The following ZBTB17 variants were observed in gnomAD, a reference collection of about 807,000 sequenced individuals.
ZBTB17 encodes the protein zinc finger and BTB domain containing 17.
In ZBTB17, 24 loss-of-function variants were observed where a neutral mutation model predicts 85.1. The observed-to-expected ratio is 0.28, with a 90% CI of 0.20 to 0.40. ZBTB17 has a LOEUF of 0.40. Ranked by LOEUF, ZBTB17 falls within the 10% of genes least tolerant of loss-of-function variation. The pLI is 1.00. For missense variants in ZBTB17, 743 were observed against 1,105.1 expected (o/e 0.67, Z 4.65); for synonymous variants, 464 against 460.2 (o/e 1.01, Z -0.11).
chr1:15,943,056 C>T lies in ZBTB17; in HGVS notation c.1828+8G>A, dbSNP rs200680687. 1.9e-6 allele frequency: 3 copies of T among 1,614,084 alleles called. No individual in the cohort carries two copies. The highest frequency in any genetic ancestry group is 2.5e-6 in the Non-Finnish European group (3 of 1,179,972). On this transcript the variant is annotated splice_region_variant and intron_variant, in intron 13 of 15. Coordinates refer to ENST00000375743, the MANE Select transcript of ZBTB17 (RefSeq NM_003443.3). ...GAAGGAACAGGCATGGTAGGGGCCA[C>T]AGCTCACCAGTGTGAATGATGATGT...
intron 2 of ZBTB17, among the ~76,000 whole-genome samples, chr1:15,970,689 C>T (rs905125704): frequency 3.3e-5 from 5 of 152,180 alleles, no homozygotes; most frequent in African/African-American, 1.2e-4. Context: ...GCTGGGATTA[C>T]AGGCGCCTGC....
Position 15,974,875 on chromosome 1 carries a change from C to T in ZBTB17, c.-90+1108G>A, listed in dbSNP as rs140151065. Among the ~76,000 whole-genome samples, 666 of 152,338 alleles carry T rather than the reference C, an allele frequency of 4.4e-3. 3 individuals are homozygous for T. The highest frequency in any genetic ancestry group is 0.014 in the African/African-American group (585 of 41,574). On this transcript the variant is annotated intron_variant, in intron 1 of 15. Transcript: ENST00000375743. ...ACAAGCGTGAGACAACGAGCCCGGC[C>T]CAGTCTGCTTCTTTATTTAGCCTGA...
At chr1:15,950,480 A>G (rs764979656) in intron 2 of ZBTB17, among the ~76,000 whole-genome samples, 15 of 152,202 alleles carry the variant, frequency 9.9e-5, no homozygotes, top group Non-Finnish European at 2.1e-4. Flanking sequence ...GTGGGTGGCA[A>G]GCCCTGGGCC....
In ZBTB17 at chr1:15,966,338, T is replaced by C. The variant is rs954722522; in HGVS notation, c.-3+6701A>G. On this transcript the variant is annotated intron_variant, in intron 2 of 15. Transcript: ENST00000375743. The surrounding 1 kb of genome is among the most constrained non-coding windows in gnomAD (Gnocchi z 4.1). ...AGTATAGGAAGTGGTGCGGCTGGGG[T>C]GGGGAGAACAGATTCTACTGCCAGA... 6.6e-6 allele frequency among the ~76,000 whole-genome samples: 1 copy of C among 151,928 alleles called. No homozygotes were observed. Among genetic ancestry groups the C allele is most frequent in the African/African-American group, 2.4e-5 (1 of 41,370 alleles).
chr1:15,942,121 A>G lies in ZBTB17; in HGVS notation c.2260T>C (p.Tyr754His), dbSNP rs2148750291. Residue 754 changes from tyrosine to histidine, a missense_variant, in exon 16 of 16, where the codon TAT (tyrosine) becomes CAT (histidine). Around this residue, in one of 4 missense-constraint regions of ZBTB17, gnomAD observed 69 missense variants for 77.0 expected, o/e 0.90. Transcript: ENST00000375743. ...GTGCCACCTGGCCCATACTGCTGAT[A>G]GAAGTCCGCGTCTGTCTGGAACATG... The part of the protein sequence containing the change: ...LVMFQTDADF[Y>H]QQYGPGGTWP... 1 of 1,613,462 alleles carries G rather than the reference A, an allele frequency of 6.2e-7. No homozygotes were observed. Among genetic ancestry groups the G allele is most frequent in the African/African-American group, 1.3e-5 (1 of 75,066 alleles).
At position 15,966,329 on chromosome 1, in the gene ZBTB17, C is replaced by T. The variant is rs563326346; in HGVS notation, c.-3+6710G>A. Among the ~76,000 whole-genome samples, 4 of 152,222 alleles carry T rather than the reference C, an allele frequency of 2.6e-5. No homozygotes were observed. Among genetic ancestry groups the T allele is most frequent in the South Asian group, 2.1e-4 (1 of 4,820 alleles). Reference sequence around the variant, plus strand: ...ATAAGTTCCAGTATAGGAAGTGGTGCGGCTGGGGTGGGGAGAACAGATTCT... The same window carrying T: ...ATAAGTTCCAGTATAGGAAGTGGTGTGGCTGGGGTGGGGAGAACAGATTCT... On this transcript the variant is annotated intron_variant, in intron 2 of 15. Transcript: ENST00000375743. The surrounding 1 kb of genome is among the most constrained non-coding windows in gnomAD (Gnocchi z 4.1).
intron 2 of ZBTB17, among the ~76,000 whole-genome samples, chr1:15,968,755 C>G (rs2072534370): frequency 6.6e-6 from 1 of 152,246 alleles, no homozygotes. Flanking sequence ...TAGTCCTTGA[C>G]TGTCCATGCA....
Position 15,951,036 on chromosome 1 carries a change from C to A in ZBTB17, c.-2-2539G>T, listed in dbSNP as rs146708503. ...CAGGGTGGGTGGTGGCCCAGCCCCC[C>A]ACATACCACCACCCGCCAAGAGAGC... On this transcript the variant is annotated intron_variant, in intron 2 of 15. Coordinates refer to ENST00000375743, the MANE Select transcript of ZBTB17 (RefSeq NM_003443.3). The surrounding 1 kb of genome is among the most constrained non-coding windows in gnomAD (Gnocchi z 4.1). Among the ~76,000 whole-genome samples the A allele has an allele frequency of 6.6e-6, 1 of 152,172 alleles. No individual in the cohort carries two copies. Among genetic ancestry groups the A allele is most frequent in the African/African-American group, 2.4e-5 (1 of 41,438 alleles).
Position 15,948,551 on chromosome 1 carries a change from G to A in ZBTB17, c.-2-54C>T, listed in dbSNP as rs748055111. 4.5e-4 allele frequency: 699 copies of A among 1,553,722 alleles called. 1 individual carries two copies. The highest frequency in any genetic ancestry group is 5.0e-4 in the Non-Finnish European group (565 of 1,137,398). ...AGCACGGAGAAAGGACGTCAGACAC[G>A]CTCAACAGTCACTCCTAAAGTCCCA... On this transcript the variant is annotated intron_variant, in intron 2 of 15. Coordinates refer to ENST00000375743, the MANE Select transcript of ZBTB17 (RefSeq NM_003443.3).
intron 1 of ZBTB17, among the ~76,000 whole-genome samples, chr1:15,975,402 CAGGATCGAGG>C (rs2072831877): frequency 6.6e-6 from 1 of 152,246 alleles, no homozygotes; most frequent in Admixed American, 6.5e-5. Flanking sequence ...CTCCTAACTC[CAGGATCGAGG>C]ATCCTGGAGG....
intron 2 of ZBTB17, chr1:15,970,145 T>C (rs918417020): frequency 3.4e-6 from 2 of 582,914 alleles, no homozygotes; most frequent in African/African-American, 1.9e-5. Context: ...TTTTGTCTTA[T>C]CAATTTCTTT....
At chr1:15,946,095 G>A (rs981274393) in intron 5 of ZBTB17, 59 bp downstream of exon 5, 3 of 1,599,512 alleles carry the variant, frequency 1.9e-6, no homozygotes, top group African/African-American at 2.7e-5. Flanking sequence ...TCACTACCCT[G>A]TGCCCAGGCT....
rs777084258 is a variant in ZBTB17 at position 15,976,045 on chromosome 1, G to A, written c.-152C>T. 81 of 694,738 alleles carry A rather than the reference G, an allele frequency of 1.2e-4. No individual in the cohort carries two copies. The highest frequency in any genetic ancestry group is 1.9e-4 in the Non-Finnish European group (72 of 381,168). The allele number at this position is 694,738 out of a possible 1,614,324, so 43.0% of individuals were successfully genotyped here. On this transcript the variant is annotated 5_prime_UTR_variant, in exon 1 of 16. Transcript: ENST00000375743. ...TCACGGCCGCGAGAAGGCCGGGGAC[G>A]GCACTCCAGAGCAGACAAAGGGCGC...
intron 4 of ZBTB17, 153 bp from the exon 5 acceptor site, chr1:15,946,447 C>T: frequency 8.5e-7 from 1 of 1,174,842 alleles, no homozygotes; most frequent in South Asian, 1.5e-5. Flanking sequence ...AAATTATTCA[C>T]AGGGCACCCA....
At chr1:15,971,531 CTATATATATACACACACACTA>C (rs1459399652) in intron 2 of ZBTB17, among the ~76,000 whole-genome samples, 1 of 136,660 alleles carries the variant, frequency 7.3e-6, no homozygotes, top group Non-Finnish European at 1.6e-5. Context: ...TACACACACA[CTATATATATACACACACACTA>C]TATATATACA....
At chr1:15,957,461 G>A in intron 2 of ZBTB17, among the ~76,000 whole-genome samples, 1 of 152,072 alleles carries the variant, frequency 6.6e-6, no homozygotes, top group East Asian at 1.9e-4. Context: ...AGAGGAGCAG[G>A]TGTGCATGAG....
At chr1:15,954,164 G>T (rs2071963427) in intron 2 of ZBTB17, among the ~76,000 whole-genome samples, 1 of 152,206 alleles carries the variant, frequency 6.6e-6, no homozygotes, top group African/African-American at 2.4e-5. Flanking sequence ...CAACTGTTCT[G>T]TTAAACCCCA....
At chr1:15,974,723 C>CAA (rs567439235) in intron 1 of ZBTB17, among the ~76,000 whole-genome samples, 45 of 152,200 alleles carry the variant, frequency 3.0e-4, no homozygotes, top group Admixed American at 1.6e-3. Flanking sequence ...TACAGGCGCG[C>CAA]GCAAGCACGA....
At chr1:15,965,926 G>C (rs1361959597) in intron 2 of ZBTB17, among the ~76,000 whole-genome samples, 1 of 152,216 alleles carries the variant, frequency 6.6e-6, no homozygotes, top group Admixed American at 6.5e-5. Flanking sequence ...TGAGATCAGG[G>C]AGGGGACACA....
Sources: allele counts gnomAD v4.1 joint callset (sites outside exome capture counted in the v4.1 genomes callset), GRCh38; gene constraint gnomAD v4.1.1; regional missense constraint gnomAD v4.1.1; non-coding constraint Gnocchi (gnomAD v3.1); transcripts MANE v1.5; gene names NCBI Gene and HGNC (gene_info 2026-07-23, HGNC 2026-07-21).